CLDN16: variants seen among roughly 807,000 people sequenced by gnomAD.
CLDN16 encodes claudin 16.
A neutral mutation model predicts 24.6 loss-of-function variants in CLDN16; 13 were observed. That is an observed-to-expected ratio of 0.53 (90% confidence interval 0.34 to 0.84). The LOEUF (loss-of-function observed/expected upper bound fraction) is 0.84, where lower values mean the gene tolerates loss of function less well. Among genes scored for constraint, CLDN16 ranks in the 40% least tolerant of loss-of-function variants. The pLI, the probability that CLDN16 is intolerant of heterozygous loss-of-function variation, is 0.01. For synonymous variants in CLDN16, 116 were observed against 106.7 expected (o/e 1.09, Z -0.54); for missense variants, 298 against 292.7 (o/e 1.02, Z -0.13).
the CLDN16 span, among the ~76,000 whole-genome samples, chr3:190,291,479 C>G: frequency 1.3e-5 from 2 of 152,068 alleles, no homozygotes; most frequent in Non-Finnish European, 2.9e-5. Flanking sequence ...CTCATGAGAA[C>G]TCACTCACTA....
chr3:190,394,781 AT>A (rs751324962), intron 1 of CLDN16, among the ~76,000 whole-genome samples: 1 of 152,172 alleles, frequency 6.6e-6, no homozygotes, highest in Non-Finnish European at 1.5e-5. Flanking sequence ...AATAAGAAGT[AT>A]GTCTGTAATG....
At chr3:190,345,921 T>A (rs1478950835) in intron 1 of CLDN16, among the ~76,000 whole-genome samples, 1 of 151,996 alleles carries the variant, frequency 6.6e-6, no homozygotes, top group Non-Finnish European at 1.5e-5. Flanking sequence ...GTAATATATA[T>A]AATATTTATT....
At chr3:190,369,743 C>A (rs112418997) in intron 1 of CLDN16, among the ~76,000 whole-genome samples, 2 of 151,870 alleles carry the variant, frequency 1.3e-5, no homozygotes, top group African/African-American at 4.8e-5. Context: ...TCATATACTT[C>A]TTTGTACTTA....
intron 3 of CLDN16, among the ~76,000 whole-genome samples, chr3:190,382,571 C>G (rs903275894): frequency 2.0e-5 from 3 of 152,036 alleles, no homozygotes; most frequent in African/African-American, 7.2e-5. Flanking sequence ...ACTATTTGAA[C>G]CCCCACCAAA....
At chr3:190,390,833 T>G (rs906394929) in intron 1 of CLDN16, among the ~76,000 whole-genome samples, 2 of 152,182 alleles carry the variant, frequency 1.3e-5, no homozygotes, top group Non-Finnish European at 2.9e-5. Context: ...TCACCCAGGA[T>G]AGAGTGTACT....
intron 1 of CLDN16, among the ~76,000 whole-genome samples, chr3:190,325,405 CTG>C (rs1717039805): frequency 1.3e-5 from 2 of 152,264 alleles, no homozygotes; most frequent in Admixed American, 1.3e-4. Flanking sequence ...ATATTTTACT[CTG>C]TGACTGTCTC....
chr3:190,328,684 A>T (rs988800479), intron 1 of CLDN16, among the ~76,000 whole-genome samples: 1 of 152,134 alleles, frequency 6.6e-6, no homozygotes, highest in Non-Finnish European at 1.5e-5. Context: ...GTAAAAAAAA[A>T]AAACAAGATT....
In CLDN16 at chr3:190,341,046, C is replaced by T. The variant is rs566518400; in HGVS notation, n.121+18385C>T. On this transcript the variant is annotated intron_variant and non_coding_transcript_variant, in intron 1 of 4. Coordinates refer to the CLDN16 transcript ENST00000468220. ...GCCCTTGTGGCTTTGCAGGGTAGAG[C>T]TTTTCCTCCAGCTGCTTTCATGGGC... Among the ~76,000 whole-genome samples the T allele has an allele frequency of 1.7e-3, 253 of 152,298 alleles. 3 individuals are homozygous for T. In the Middle Eastern group the frequency reaches 0.024, roughly 14 times the overall value.
intron 3 of CLDN16, among the ~76,000 whole-genome samples, chr3:190,375,960 T>G (rs1187651065): frequency 6.6e-6 from 1 of 151,924 alleles, no homozygotes; most frequent in Non-Finnish European, 1.5e-5. Context: ...TCAGATCACT[T>G]CTGGCAGAAT....
intron 2 of CLDN16, among the ~76,000 whole-genome samples, chr3:190,403,923 TA>T (rs553361852): frequency 1.1e-3 from 160 of 152,128 alleles, no homozygotes; most frequent in African/African-American, 2.7e-3. Flanking sequence ...AATGAAAAAT[TA>T]AAAAAAATTT....
chr3:190,373,141 G>A (rs1426109907), intron 2 of CLDN16, among the ~76,000 whole-genome samples: 3 of 151,912 alleles, frequency 2.0e-5, no homozygotes, highest in Admixed American at 6.6e-5. Context: ...AATTTTAACA[G>A]CTGAGAAGTC....
At chr3:190,404,160 T>G (rs1053307198) in intron 2 of CLDN16, among the ~76,000 whole-genome samples, 2 of 152,132 alleles carry the variant, frequency 1.3e-5, no homozygotes, top group Admixed American at 6.5e-5. Context: ...ATGATTTAAA[T>G]AGCTGAAAGA....
intron 3 of CLDN16, among the ~76,000 whole-genome samples, chr3:190,379,052 T>A (rs1389815936): frequency 6.6e-6 from 1 of 152,100 alleles, no homozygotes; most frequent in Non-Finnish European, 1.5e-5. Flanking sequence ...CTTTGAAAAT[T>A]TGAGGCGTAA....
the CLDN16 span, chr3:190,312,850 AG>A: frequency 6.2e-7 from 1 of 1,613,020 alleles, no homozygotes; most frequent in South Asian, 1.1e-5. Context: ...GTAAGGTGAA[AG>A]GGGGGCACAG....
intron 1 of CLDN16, among the ~76,000 whole-genome samples, chr3:190,395,884 G>C (rs1718807583): frequency 1.3e-5 from 2 of 151,862 alleles, no homozygotes; most frequent in African/African-American, 4.8e-5. Flanking sequence ...TCTCTCTGTA[G>C]ATAGATACAT....
chr3:190,299,359 T>C, the CLDN16 span, among the ~76,000 whole-genome samples: 5 of 152,172 alleles, frequency 3.3e-5, no homozygotes, highest in African/African-American at 1.2e-4. Flanking sequence ...TATTATATAC[T>C]ATGTGGTGGT....
intron 3 of CLDN16, among the ~76,000 whole-genome samples, chr3:190,405,762 G>A (rs1281549446): frequency 5.3e-5 from 8 of 152,092 alleles, no homozygotes; most frequent in Non-Finnish European, 8.8e-5. Flanking sequence ...GAAGTTCTGA[G>A]GACTGGTCAA....
chr3:190,297,580 ATAAT>A, the CLDN16 span, among the ~76,000 whole-genome samples: 1 of 138,812 alleles, frequency 7.2e-6, no homozygotes, highest in Admixed American at 7.7e-5. Flanking sequence ...TATATAATAT[ATAAT>A]ATATATCTAT....
intron 1 of CLDN16, among the ~76,000 whole-genome samples, chr3:190,360,360 C>G (rs2108641063): frequency 6.6e-6 from 1 of 152,010 alleles, no homozygotes; most frequent in East Asian, 2.0e-4. Context: ...AAGGATTGCA[C>G]AAGCTGAGTT....
Sources: allele counts gnomAD v4.1 joint callset (sites outside exome capture counted in the v4.1 genomes callset), GRCh38; gene constraint gnomAD v4.1.1; transcripts MANE v1.5; gene names NCBI Gene and HGNC (gene_info 2026-07-23, HGNC 2026-07-21).